Variants in UBAC2 observed in about 807,000 individuals in gnomAD.
UBAC2 encodes ubiquitin-associated domain-containing protein 2.
In UBAC2, 26 loss-of-function variants were observed where a neutral mutation model predicts 44.0. That is an observed-to-expected ratio of 0.59 (90% CI 0.43 to 0.82). UBAC2 has a LOEUF of 0.82. Among genes scored for constraint, UBAC2 ranks in the 40% least tolerant of loss-of-function variants. The pLI is 0.00. For missense variants in UBAC2, 329 were observed against 419.4 expected (o/e 0.78, Z 1.88); for synonymous variants, 155 against 154.3 (o/e 1.00, Z -0.04).
intron 8 of UBAC2, among the ~76,000 whole-genome samples, chr13:99,375,566 A>G (rs534951182): frequency 5.3e-5 from 8 of 152,212 alleles, no homozygotes; most frequent in South Asian, 2.1e-4. Flanking sequence ...GCGTCAGAAT[A>G]TGGGAAGTAA....
chr13:99,308,248 C>T (rs1054520604), intron 4 of UBAC2, among the ~76,000 whole-genome samples: 5 of 152,154 alleles, frequency 3.3e-5, no homozygotes, highest in South Asian at 2.1e-4. Context: ...CTGCTTTTTA[C>T]GAAGACATAG....
At chr13:99,310,211 C>G (rs1197665894) in intron 4 of UBAC2, among the ~76,000 whole-genome samples, 1 of 152,146 alleles carries the variant, frequency 6.6e-6, no homozygotes, top group Admixed American at 6.5e-5. Context: ...CCAGTAGTCC[C>G]TGTTACTCTG....
intron 4 of UBAC2, among the ~76,000 whole-genome samples, chr13:99,300,512 TATATC>T (rs1165530431): frequency 6.6e-6 from 1 of 152,240 alleles, no homozygotes; most frequent in Non-Finnish European, 1.5e-5. Context: ...ATCCCATTCT[TATATC>T]AGCCAGTCCC....
intron 8 of UBAC2, among the ~76,000 whole-genome samples, chr13:99,370,031 A>G (rs1333939502): frequency 8.6e-6 from 1 of 115,886 alleles, no homozygotes; most frequent in East Asian, 1.9e-4. Context: ...GTACTGGAGA[A>G]AAAATGTCTG....
intron 2 of UBAC2, among the ~76,000 whole-genome samples, chr13:99,242,180 C>T (rs1437576838): frequency 3.3e-5 from 5 of 152,236 alleles, no homozygotes; most frequent in Admixed American, 2.0e-4. Flanking sequence ...TCAATCTTTT[C>T]CCCACCTTTC....
intron 1 of UBAC2, among the ~76,000 whole-genome samples, chr13:99,237,706 G>A (rs1192625523): frequency 3.9e-5 from 6 of 152,228 alleles, no homozygotes; most frequent in African/African-American, 4.8e-5. Context: ...TGTAATCCCA[G>A]CACTTTGGGA....
At position 99,295,850 on chromosome 13, in the gene UBAC2, A is replaced by T. The variant is rs1444915938; in HGVS notation, c.390-18247A>T. The T allele has an allele frequency of 1.2e-6, 2 of 1,606,044 alleles. No homozygotes were observed. Among genetic ancestry groups the T allele is most frequent in the Non-Finnish European group, 8.5e-7 (1 of 1,174,696 alleles). ...AGTTATCCTACACAAGGCATCTCCG[A>T]TTCTCCAGTCAAAGCCCATTGCATA... On this transcript the variant is annotated intron_variant, in intron 4 of 8. Coordinates refer to ENST00000403766, the MANE Select transcript of UBAC2 (RefSeq NM_001144072.2). This position sits in a 1 kb window ranked among gnomAD's most constrained non-coding sequence, Gnocchi z 4.1.
intron 6 of UBAC2, among the ~76,000 whole-genome samples, chr13:99,338,246 C>T (rs867638213): frequency 1.3e-5 from 2 of 151,566 alleles, no homozygotes; most frequent in Non-Finnish European, 2.9e-5. Context: ...TTAGTAGAGA[C>T]GGGTTTTTAC....
intron 7 of UBAC2, among the ~76,000 whole-genome samples, chr13:99,343,894 AGG>A (rs2044932007): frequency 2.0e-5 from 3 of 152,258 alleles, no homozygotes; most frequent in Non-Finnish European, 4.4e-5. Context: ...ATGTAATACC[AGG>A]AGAAAAGTTT....
chr13:99,270,796 G>A (rs1468356599), intron 4 of UBAC2, among the ~76,000 whole-genome samples: 1 of 152,176 alleles, frequency 6.6e-6, no homozygotes, highest in Non-Finnish European at 1.5e-5. Context: ...AATTATGGAG[G>A]AAGTCAATTT....
In UBAC2 at chr13:99,283,184, A is replaced by T. The variant is rs147996908; in HGVS notation, c.390-30913A>T. 2.4e-3 allele frequency among the ~76,000 whole-genome samples: 361 copies of T among 152,326 alleles called. 4 individuals carry two copies. Among genetic ancestry groups the T allele is most frequent in the South Asian group, 0.011 (51 of 4,826 alleles). On this transcript the variant is annotated intron_variant, in intron 4 of 8. Transcript: ENST00000403766. ...TTTGTTTACTTACTTAATGTTTAAT[A>T]TTGGCTTCTAGGATGTAGGATTCAG... is the stretch of plus-strand genomic sequence containing the variant.
chr13:99,344,096 T>A (rs1237935364), intron 7 of UBAC2, among the ~76,000 whole-genome samples: 1 of 152,218 alleles, frequency 6.6e-6, no homozygotes, highest in Non-Finnish European at 1.5e-5. Flanking sequence ...ACCATTTATT[T>A]TGCCAGTCCT....
intron 6 of UBAC2, among the ~76,000 whole-genome samples, chr13:99,324,087 C>A (rs2138789753): frequency 6.6e-6 from 1 of 152,340 alleles, no homozygotes; most frequent in African/African-American, 2.4e-5. Context: ...CATTCCCAAA[C>A]ATCCACTTTC....
At chr13:99,224,655 C>A (rs771701077) in intron 1 of UBAC2, among the ~76,000 whole-genome samples, 5 of 151,948 alleles carry the variant, frequency 3.3e-5, no homozygotes, top group Non-Finnish European at 7.4e-5. Flanking sequence ...TACCCACCAC[C>A]TAGATTCTAC....
intron 4 of UBAC2, among the ~76,000 whole-genome samples, chr13:99,282,752 A>G (rs1014055984): frequency 1.2e-4 from 19 of 152,310 alleles, no homozygotes; most frequent in African/African-American, 4.6e-4. Context: ...CTTGTGAAAG[A>G]TTTTAGATTT....
In UBAC2 at chr13:99,200,865, T is replaced by G. The variant is rs117807058; in HGVS notation, c.-44T>G. ...GGTCGCTGGGGCTCGCACTTCAGCT[T>G]CCCCTCCCCCGGCGCCCTCTGGGGC... is the stretch of plus-strand genomic sequence containing the variant. On this transcript the variant is annotated 5_prime_UTR_variant, in exon 1 of 9. Coordinates refer to ENST00000403766, the MANE Select transcript of UBAC2 (RefSeq NM_001144072.2). The G allele has an allele frequency of 2.7e-3, 3,486 of 1,282,620 alleles. 163 individuals carry two copies. In the East Asian group the frequency reaches 0.095, roughly 35 times the overall value. 79.5% of individuals were successfully genotyped at this position (1,282,620 alleles called of 1,614,324 possible).
chr13:99,302,131 C>T (rs991073295), intron 4 of UBAC2, among the ~76,000 whole-genome samples: 14 of 152,124 alleles, frequency 9.2e-5, no homozygotes, highest in Admixed American at 3.3e-4. Context: ...AGAGGAACTT[C>T]CAGAAGCTCA....
intron 8 of UBAC2, among the ~76,000 whole-genome samples, chr13:99,385,015 C>T (rs566621733): frequency 3.9e-5 from 6 of 152,224 alleles, no homozygotes; most frequent in Admixed American, 1.3e-4. Context: ...GGGTTATGTG[C>T]GATCATGCAT....
chr13:99,295,907 A>T lies in UBAC2; in HGVS notation c.390-18190A>T. 2.5e-6 allele frequency: 4 copies of T among 1,613,484 alleles called. No individual in the cohort carries two copies. In the African/African-American group the frequency reaches 5.3e-5, roughly 22 times the overall value. ...TATTCGTGTAGGCAAAGCGGTGGTAAAAAGTATATCAGAAATCACCAAATT... is the reference window on the plus strand; with the variant it reads ...TATTCGTGTAGGCAAAGCGGTGGTATAAAGTATATCAGAAATCACCAAATT... On this transcript the variant is annotated intron_variant, in intron 4 of 8. Coordinates refer to ENST00000403766, the MANE Select transcript of UBAC2 (RefSeq NM_001144072.2). This position sits in a 1 kb window ranked among gnomAD's most constrained non-coding sequence, Gnocchi z 4.1.
Sources: allele counts gnomAD v4.1 joint callset (sites outside exome capture counted in the v4.1 genomes callset), GRCh38; gene constraint gnomAD v4.1.1; non-coding constraint Gnocchi (gnomAD v3.1); transcripts MANE v1.5; gene names NCBI Gene and HGNC (gene_info 2026-07-23, HGNC 2026-07-21).